PIK3CA: variants seen among roughly 807,000 people sequenced by gnomAD.
PIK3CA encodes phosphatidylinositol-4,5-bisphosphate 3-kinase catalytic subunit alpha.
Under a neutral mutation model 138.2 loss-of-function variants are expected in PIK3CA, and 27 were observed. The observed-to-expected ratio is 0.20, with a 90% confidence interval of 0.14 to 0.27. The LOEUF (loss-of-function observed/expected upper bound fraction) is 0.27, where lower values mean the gene tolerates loss of function less well. Among genes scored for constraint, PIK3CA ranks in the 10% least tolerant of loss-of-function variants. The pLI is 1.00. For missense variants in PIK3CA, 544 were observed against 1,277.4 expected, an observed-to-expected ratio of 0.43 and a Z score of 8.75; for synonymous variants, 358 against 413.2, an observed-to-expected ratio of 0.87 and a Z score of 1.62.
intron 16 of PIK3CA, 56 bp downstream of exon 16, chr3:179,224,877 A>G (rs1382600220): frequency 7.7e-7 from 1 of 1,297,012 alleles, no homozygotes; most frequent in African/African-American, 1.5e-5. Context: ...CTTTTTATAC[A>G]CAGGATATTT....
chr3:179,201,469 G>A lies in PIK3CA; in HGVS notation c.742G>A (p.Gly248Ser), dbSNP rs1553820694. Residue 248 changes from glycine (G) to serine (S), a missense_variant, in exon 4 of 21, where the codon GGC (glycine) becomes AGC (serine). By Grantham distance (56) the Gly-to-Ser change is moderately conservative. Coordinates refer to ENST00000263967, the MANE Select transcript of PIK3CA (RefSeq NM_006218.4). ...QLKLCVLEYQ[G>S]KYILKVCGCD... is the part of the protein sequence containing the mutation. Reference sequence around the variant, plus strand: ...AAAACTCTGTGTTTTAGAATATCAGGGCAAGTATATTTTAAAAGTGTGTGG... The same window carrying A: ...AAAACTCTGTGTTTTAGAATATCAGAGCAAGTATATTTTAAAAGTGTGTGG... 1 of 1,612,536 alleles carries A rather than the reference G, an allele frequency of 6.2e-7. No homozygotes were observed.
intron 14 of PIK3CA, among the ~76,000 whole-genome samples, chr3:179,222,215 T>C (rs976878715): frequency 6.6e-6 from 1 of 151,990 alleles, no homozygotes; most frequent in African/African-American, 2.4e-5. Flanking sequence ...TTTTCCAGCA[T>C]CTTCATTACT....
intron 1 of PIK3CA, among the ~76,000 whole-genome samples, chr3:179,189,146 A>G (rs1317587020): frequency 1.3e-5 from 2 of 152,124 alleles, no homozygotes; most frequent in Non-Finnish European, 2.9e-5. Context: ...CCTCGTAAAC[A>G]GAGGTTGCAG....
intron 18 of PIK3CA, among the ~76,000 whole-genome samples, chr3:179,229,739 T>C (rs1292435800): frequency 6.6e-6 from 1 of 152,200 alleles, no homozygotes; most frequent in Non-Finnish European, 1.5e-5. Flanking sequence ...AATTCATTGT[T>C]AAAATGATTA....
intron 1 of PIK3CA, among the ~76,000 whole-genome samples, chr3:179,172,465 G>C (rs1380082921): frequency 6.8e-6 from 1 of 146,864 alleles, no homozygotes; most frequent in Non-Finnish European, 1.5e-5. Flanking sequence ...CATTTATACA[G>C]AAAGTTCTAA....
chr3:179,205,531 A>T (rs1199780775), intron 6 of PIK3CA, among the ~76,000 whole-genome samples: 5 of 152,176 alleles, frequency 3.3e-5, no homozygotes, highest in Non-Finnish European at 5.9e-5. Flanking sequence ...TAACCAAACT[A>T]CCCTGAGGCA....
intron 1 of PIK3CA, among the ~76,000 whole-genome samples, chr3:179,191,869 C>T (rs1319662587): frequency 6.6e-6 from 1 of 152,138 alleles, no homozygotes; most frequent in African/African-American, 2.4e-5. Flanking sequence ...AACTCTTGAC[C>T]TCAGGTGATC....
At chr3:179,197,678 A>G (rs912402184) in intron 1 of PIK3CA, among the ~76,000 whole-genome samples, 1 of 152,202 alleles carries the variant, frequency 6.6e-6, no homozygotes, top group South Asian at 2.1e-4. Context: ...AATCAAATAT[A>G]GTAGGTTATC....
chr3:179,165,971 C>T (rs1723408553), intron 1 of PIK3CA, among the ~76,000 whole-genome samples: 1 of 152,178 alleles, frequency 6.6e-6, no homozygotes. Flanking sequence ...TCCATAGCCT[C>T]TATTACAACA....
chr3:179,157,020 C>A (rs111574484), intron 1 of PIK3CA, among the ~76,000 whole-genome samples: 2 of 152,136 alleles, frequency 1.3e-5, no homozygotes, highest in African/African-American at 4.8e-5. Context: ...TGGAGTATAT[C>A]ATCAAATTCA....
intron 3 of PIK3CA, among the ~76,000 whole-genome samples, chr3:179,200,823 C>T (rs1472182083): frequency 6.6e-6 from 1 of 152,026 alleles, no homozygotes; most frequent in Non-Finnish European, 1.5e-5. Flanking sequence ...AATGCATTTC[C>T]TCTCCCCTCG....
At chr3:179,223,726 C>T (rs564086925) in intron 14 of PIK3CA, among the ~76,000 whole-genome samples, 23 of 152,270 alleles carry the variant, frequency 1.5e-4, no homozygotes, top group African/African-American at 5.5e-4. Flanking sequence ...CTCGTAAAAG[C>T]AGCCAATATG....
intron 1 of PIK3CA, among the ~76,000 whole-genome samples, chr3:179,163,546 A>G (rs538978385): frequency 2.6e-5 from 4 of 152,272 alleles, no homozygotes; most frequent in South Asian, 2.1e-4. Context: ...CAACCCCCAT[A>G]CAAGTGAACA....
At chr3:179,158,924 A>ATATGTT (rs59988180) in intron 1 of PIK3CA, among the ~76,000 whole-genome samples, 44,181 of 151,660 alleles carry the variant, frequency 0.29, 7,369 homozygotes, top group African/African-American at 0.46. Flanking sequence ...GAAAATGTAT[A>ATATGTT]TATGTTCTTG....
chr3:179,150,432 AT>A lies in PIK3CA; in HGVS notation c.-77+1831del, dbSNP rs1216346315. ...ATTGTGCGTATAAAGTTTTAAAGAC[AT>A]TCCTGTCAGTTTTAAATAATTAAAA... is the stretch of plus-strand genomic sequence containing the variant. On this transcript the variant is annotated intron_variant, in intron 1 of 20. Transcript: ENST00000263967. Among the ~76,000 whole-genome samples, 5 of 152,252 alleles carry A rather than the reference AT, an allele frequency of 3.3e-5. No individual in the cohort carries two copies. In the East Asian group the frequency reaches 9.6e-4, roughly 29 times the overall value.
intron 1 of PIK3CA, among the ~76,000 whole-genome samples, chr3:179,170,074 GCGCACACACACA>G (rs1485122556): frequency 1.7e-5 from 2 of 119,892 alleles, no homozygotes; most frequent in African/African-American, 5.2e-5. Flanking sequence ...ACACGCGCGC[GCGCACACACACA>G]CACACACACA....
chr3:179,177,537 T>C (rs2108367483), intron 1 of PIK3CA, among the ~76,000 whole-genome samples: 1 of 152,256 alleles, frequency 6.6e-6, no homozygotes, highest in Non-Finnish European at 1.5e-5. Flanking sequence ...GGTCTCAAAC[T>C]CCTGATCTCA....
At chr3:179,225,479 A>G (rs1725062392) in intron 16 of PIK3CA, among the ~76,000 whole-genome samples, 1 of 149,024 alleles carries the variant, frequency 6.7e-6, no homozygotes, top group Admixed American at 6.6e-5. Context: ...ATATTTTAAT[A>G]TAAACATGTG....
Position 179,199,812 on chromosome 3 carries a change from C to T in PIK3CA, c.475C>T (p.Pro159Ser), listed in dbSNP as rs770642656. The T allele has an allele frequency of 1.2e-6, 2 of 1,612,358 alleles. No homozygotes were observed. Among genetic ancestry groups the T allele is most frequent in the Non-Finnish European group, 1.7e-6 (2 of 1,178,662 alleles). ...TGTGGATCTTAGGGACCTCAATTCA[C>T]CTCATAGTAGAGCAATGTATGTCTA... ...EAVDLRDLNSPHSRAMYVYPP... is the reference protein window; with the variant it reads ...EAVDLRDLNSSHSRAMYVYPP... Residue 159 changes from proline to serine, a missense_variant, in exon 3 of 21, where the codon CCT (proline) becomes TCT (serine). Physicochemically the swap from Pro to Ser is moderately conservative, Grantham distance 74 (BLOSUM62 -1). Transcript: ENST00000263967.
Sources: gnomAD v4.1 joint callset for allele counts (sites outside exome capture counted in the v4.1 genomes callset) on GRCh38, gnomAD v4.1.1 for gene constraint, MANE v1.5 for transcripts, NCBI Gene and HGNC (gene_info 2026-07-23, HGNC 2026-07-21) for gene names.